The following MSRB3 variants were observed in gnomAD, a reference collection of about 807,000 sequenced individuals.
The protein encoded by MSRB3 is methionine sulfoxide reductase B3.
MSRB3 carries 13 observed loss-of-function variants against 21.0 expected under a neutral mutation model. The observed-to-expected ratio is 0.62, with a 90% CI of 0.40 to 0.98. The LOEUF (loss-of-function observed/expected upper bound fraction) is 0.98, where lower values mean the gene tolerates loss of function less well. Among genes scored for constraint, MSRB3 ranks in the 50% least tolerant of loss-of-function variants. The probability of loss-of-function intolerance (pLI) is 0.00; values close to 1 mark genes in which losing one functional copy is unlikely to be tolerated. For missense variants in MSRB3, 199 were observed against 230.3 expected (o/e 0.86, Z 0.88); for synonymous variants, 87 against 88.6 (o/e 0.98, Z 0.10).
At chr12:65,460,204 A>T (rs999023872) in intron 6 of MSRB3, among the ~76,000 whole-genome samples, 3 of 152,198 alleles carry the variant, frequency 2.0e-5, no homozygotes, top group Non-Finnish European at 4.4e-5. Context: ...ACCCCAACAC[A>T]TTGCCAGTTG....
chr12:65,462,979 C>T (rs749120128), intron 6 of MSRB3, among the ~76,000 whole-genome samples, 176 bp from the exon 7 acceptor site: 3 of 152,212 alleles, frequency 2.0e-5, no homozygotes, highest in Non-Finnish European at 2.9e-5. Context: ...CAGCATGTGG[C>T]GCAAAGCCTG....
intron 1 of MSRB3, among the ~76,000 whole-genome samples, chr12:65,295,106 A>G (rs1872883998): frequency 6.6e-6 from 1 of 152,248 alleles, no homozygotes; most frequent in African/African-American, 2.4e-5. Flanking sequence ...CTGAGATTAC[A>G]GGCGTGAGCC....
chr12:65,337,779 C>G (rs915138969), intron 4 of MSRB3, among the ~76,000 whole-genome samples: 2 of 152,144 alleles, frequency 1.3e-5, no homozygotes, highest in African/African-American at 4.8e-5. Context: ...TTATTTGACA[C>G]AGTGATCCAT....
At chr12:65,351,207 T>C (rs574114247) in intron 4 of MSRB3, among the ~76,000 whole-genome samples, 3 of 151,836 alleles carry the variant, frequency 2.0e-5, no homozygotes, top group African/African-American at 7.2e-5. Flanking sequence ...TGCTCCTGAA[T>C]GACTACTGGA....
intron 1 of MSRB3, among the ~76,000 whole-genome samples, chr12:65,297,638 G>A (rs985175238): frequency 6.6e-6 from 1 of 152,152 alleles, no homozygotes; most frequent in African/African-American, 2.4e-5. Context: ...CTATACTTAG[G>A]AAAAGAAACA....
At chr12:65,281,104 C>T (rs1005378575) in intron 1 of MSRB3, among the ~76,000 whole-genome samples, 28 of 152,132 alleles carry the variant, frequency 1.8e-4, no homozygotes, top group Admixed American at 3.9e-4. Context: ...TGGCTCACTC[C>T]TGTGGTCTCA....
At chr12:65,403,164 G>A (rs1880224449) in intron 5 of MSRB3, among the ~76,000 whole-genome samples, 1 of 152,218 alleles carries the variant, frequency 6.6e-6, no homozygotes, top group African/African-American at 2.4e-5. Flanking sequence ...CTTCAGAGCT[G>A]GCAGGCAGGA....
intron 5 of MSRB3, among the ~76,000 whole-genome samples, chr12:65,417,890 A>T (rs1441694559): frequency 6.6e-6 from 1 of 152,180 alleles, no homozygotes; most frequent in African/African-American, 2.4e-5. Flanking sequence ...CTACTGATGG[A>T]CATTTAGGTT....
At chr12:65,304,897 T>C (rs1873556687) in intron 1 of MSRB3, among the ~76,000 whole-genome samples, 1 of 152,126 alleles carries the variant, frequency 6.6e-6, no homozygotes, top group Admixed American at 6.5e-5. Flanking sequence ...TTTTGGTAGA[T>C]TAACATAGAG....
At chr12:65,324,653 G>A (rs1201824924) in intron 2 of MSRB3, among the ~76,000 whole-genome samples, 1 of 152,152 alleles carries the variant, frequency 6.6e-6, no homozygotes, top group African/African-American at 2.4e-5. Flanking sequence ...ATGAGAGAGG[G>A]AGAATGAAAA....
chr12:65,350,510 G>T (rs1876891029), intron 4 of MSRB3, among the ~76,000 whole-genome samples: 2 of 151,400 alleles, frequency 1.3e-5, no homozygotes, highest in Non-Finnish European at 1.5e-5. Flanking sequence ...AAAAGACACA[G>T]ACTGGCAAAT....
At chr12:65,389,108 A>G (rs1226279308) in intron 5 of MSRB3, among the ~76,000 whole-genome samples, 1 of 152,164 alleles carries the variant, frequency 6.6e-6, no homozygotes, top group African/African-American at 2.4e-5. Context: ...TGTGTGGAGT[A>G]TCCAGCAAAA....
chr12:65,430,507 G>C (rs1881825507), intron 5 of MSRB3, among the ~76,000 whole-genome samples: 1 of 152,102 alleles, frequency 6.6e-6, no homozygotes, highest in African/African-American at 2.4e-5. Flanking sequence ...TTTTGAATTG[G>C]AATTAAGTTA....
chr12:65,292,456 C>T (rs1158965112), intron 1 of MSRB3, among the ~76,000 whole-genome samples: 1 of 152,126 alleles, frequency 6.6e-6, no homozygotes, highest in African/African-American at 2.4e-5. Flanking sequence ...TCATCATCAT[C>T]ATCATCATTC....
chr12:65,289,292 C>T (rs12579853), intron 1 of MSRB3, among the ~76,000 whole-genome samples: 42,515 of 151,972 alleles, frequency 0.28, 6,054 homozygotes, highest in Admixed American at 0.37. Flanking sequence ...GTCAGGAGTT[C>T]GAGGCTAGCC....
intron 4 of MSRB3, among the ~76,000 whole-genome samples, chr12:65,339,784 G>A (rs1286828868): frequency 6.6e-6 from 1 of 152,112 alleles, no homozygotes; most frequent in Non-Finnish European, 1.5e-5. Flanking sequence ...GCACACCACT[G>A]TAATGGGGGC....
At chr12:65,341,085 A>G (rs1047445222) in intron 4 of MSRB3, among the ~76,000 whole-genome samples, 13 of 152,144 alleles carry the variant, frequency 8.5e-5, no homozygotes, top group Non-Finnish European at 1.8e-4. Flanking sequence ...GACCTATCTG[A>G]TTTATGAAAA....
intron 5 of MSRB3, among the ~76,000 whole-genome samples, chr12:65,426,228 T>G (rs187013669): frequency 6.6e-6 from 1 of 152,264 alleles, no homozygotes; most frequent in East Asian, 1.9e-4. Context: ...TTAACATTTC[T>G]TTTAAGAGGG....
chr12:65,426,159 GC>G (rs1458252295), intron 5 of MSRB3, among the ~76,000 whole-genome samples: 1 of 152,142 alleles, frequency 6.6e-6, no homozygotes, highest in Non-Finnish European at 1.5e-5. Context: ...ACTGCGCCCA[GC>G]CTCTAGTGTT....
Sources: gnomAD v4.1 joint callset for allele counts (sites outside exome capture counted in the v4.1 genomes callset) on GRCh38, gnomAD v4.1.1 for gene constraint, MANE v1.5 for transcripts, NCBI Gene and HGNC (gene_info 2026-07-23, HGNC 2026-07-21) for gene names.